GALNT2: variants seen among roughly 807,000 people sequenced by gnomAD.
GALNT2 encodes UDP-GalNAc:polypeptide N-acetylgalactosaminyltransferase 2.
GALNT2 carries 31 observed loss-of-function variants against 81.4 expected under a neutral mutation model. The ratio of observed to expected loss-of-function variants is 0.38; its 90% CI spans 0.29 to 0.51. The LOEUF is 0.51. Ranked by LOEUF, GALNT2 falls within the 20% of genes least tolerant of loss-of-function variation. The pLI is 0.87. For missense variants in GALNT2, 629 were observed against 765.7 expected (o/e 0.82, Z 2.11); for synonymous variants, 303 against 287.4 (o/e 1.05, Z -0.55).
chr1:230,243,234 G>T lies in GALNT2; in HGVS notation c.608-72G>T. ...GCAGAGCTGCGGGCAGGGAGGCGTC[G>T]CCGGTTGGCATGGGGTTGTGCTGGC... On this transcript the variant is annotated intron_variant, in intron 6 of 15. Coordinates refer to ENST00000366672, the MANE Select transcript of GALNT2 (RefSeq NM_004481.5). The surrounding 1 kb of genome is among the most constrained non-coding windows in gnomAD (Gnocchi z 4.2). 6.7e-7 allele frequency: 1 copy of T among 1,494,458 alleles called. No homozygotes were observed. The highest frequency in any genetic ancestry group is 8.9e-7 in the Non-Finnish European group (1 of 1,125,634). 92.6% of individuals were successfully genotyped at this position (1,494,458 alleles called of 1,614,324 possible). A position where few individuals can be genotyped will look rare whatever the true frequency, so the allele number is the denominator to read the frequency against.
chr1:230,246,662 G>T (rs1037184411), intron 8 of GALNT2, among the ~76,000 whole-genome samples: 3 of 152,130 alleles, frequency 2.0e-5, no homozygotes, highest in African/African-American at 7.2e-5. Flanking sequence ...TGCTGATACA[G>T]CCCCTTGCAT....
In GALNT2 at chr1:230,269,165, G is replaced by A. The variant is rs541544390; in HGVS notation, c.1440+3798G>A. Reference sequence around the variant, plus strand: ...TTTTTTCTTTTTTTTTTTTTGAGACGGAGTTTGGCTGTGTTGCCCAGGCTT... The same window carrying A: ...TTTTTTCTTTTTTTTTTTTTGAGACAGAGTTTGGCTGTGTTGCCCAGGCTT... On this transcript the variant is annotated intron_variant, in intron 14 of 15. Transcript: ENST00000366672. Among the ~76,000 whole-genome samples, 204 of 145,294 alleles carry A rather than the reference G, an allele frequency of 1.4e-3. 4 individuals carry two copies. Among genetic ancestry groups the A allele is most frequent in the African/African-American group, 4.9e-3 (192 of 38,796 alleles).
At chr1:230,078,140 T>C (rs1659619480) in intron 1 of GALNT2, among the ~76,000 whole-genome samples, 1 of 152,236 alleles carries the variant, frequency 6.6e-6, no homozygotes, top group Admixed American at 6.5e-5. Flanking sequence ...TTCTCGTGTG[T>C]CACATTGCAG....
rs1362611270 is a variant in GALNT2 at position 230,159,162 on chromosome 1, C to T, written c.127-19056C>T. Among the ~76,000 whole-genome samples the T allele has an allele frequency of 2.0e-5, 3 of 152,186 alleles. No homozygotes were observed. The East Asian group carries it at 5.8e-4, about 29-fold the overall frequency. ...GTTTACCCAGCCGTGGGAAAGGACGCTGTACCCCTGCCCTATTGGCTGCAC... is the reference window on the plus strand; with the variant it reads ...GTTTACCCAGCCGTGGGAAAGGACGTTGTACCCCTGCCCTATTGGCTGCAC... On this transcript the variant is annotated intron_variant, in intron 1 of 15. Transcript: ENST00000366672.
chr1:230,088,420 G>A (rs1488597583), intron 1 of GALNT2, among the ~76,000 whole-genome samples: 3 of 147,888 alleles, frequency 2.0e-5, no homozygotes, highest in Non-Finnish European at 4.5e-5. Context: ...GTGTGACAGG[G>A]TTTTTTTTTT....
chr1:230,187,127 A>G (rs1663360293), intron 2 of GALNT2, among the ~76,000 whole-genome samples: 1 of 152,284 alleles, frequency 6.6e-6, no homozygotes, highest in South Asian at 2.1e-4. Context: ...ACCAAGCTGG[A>G]TGCTTTTATG....
chr1:230,177,675 G>A (rs1398076993), intron 1 of GALNT2, among the ~76,000 whole-genome samples: 1 of 152,122 alleles, frequency 6.6e-6, no homozygotes, highest in African/African-American at 2.4e-5. Flanking sequence ...TCCTATTAGA[G>A]TAAGTCCTAG....
intron 1 of GALNT2, among the ~76,000 whole-genome samples, chr1:230,071,509 C>T (rs906400213): frequency 6.6e-6 from 1 of 152,288 alleles, no homozygotes; most frequent in South Asian, 2.1e-4. Context: ...CTCCACTGCT[C>T]TCCCTCTGTA....
intron 3 of GALNT2, among the ~76,000 whole-genome samples, chr1:230,220,610 G>A (rs914477772): frequency 3.3e-5 from 5 of 152,018 alleles, no homozygotes; most frequent in Non-Finnish European, 1.5e-5. Context: ...GATCTCTCTC[G>A]GTAGCTGCTT....
At chr1:230,186,159 AAGAGTGTTTGCTGGTG>A (rs1044900785) in intron 2 of GALNT2, among the ~76,000 whole-genome samples, 14 of 152,286 alleles carry the variant, frequency 9.2e-5, no homozygotes, top group Admixed American at 2.0e-4. Flanking sequence ...CTTTGCTGGC[AAGAGTGTTTGCTGGTG>A]AGAGTGTTTG....
chr1:230,176,724 G>A (rs1197183783), intron 1 of GALNT2, among the ~76,000 whole-genome samples: 2 of 152,156 alleles, frequency 1.3e-5, no homozygotes, highest in Admixed American at 6.5e-5. Context: ...TTTCTTTATA[G>A]CCAAGTAATC....
chr1:230,250,405 A>C, intron 9 of GALNT2, 52 bp from the exon 10 acceptor site: 2 of 1,395,260 alleles, frequency 1.4e-6, no homozygotes, highest in East Asian at 4.6e-5. Context: ...CTGGCAATCT[A>C]ACCTTGACTT....
At chr1:230,066,927 G>A (rs1238397580), upstream of GALNT2, among the ~76,000 whole-genome samples, 1 of 150,902 alleles carries the variant, frequency 6.6e-6, no homozygotes, top group Non-Finnish European at 1.5e-5. Context: ...CGGCGCCCAG[G>A]CCCTCACGGC....
chr1:230,170,627 G>A (rs1029593989), intron 1 of GALNT2, among the ~76,000 whole-genome samples: 5 of 152,164 alleles, frequency 3.3e-5, no homozygotes, highest in African/African-American at 7.2e-5. Context: ...AAGAAAAAAG[G>A]TTTATTTGGC....
chr1:230,140,542 A>AC (rs1231993073), intron 1 of GALNT2, among the ~76,000 whole-genome samples: 2 of 152,076 alleles, frequency 1.3e-5, no homozygotes, highest in African/African-American at 4.8e-5. Flanking sequence ...CAGCCTCGGA[A>AC]CCGGGAGTAC....
chr1:230,069,042 C>T (rs968224378), intron 1 of GALNT2, among the ~76,000 whole-genome samples: 2 of 152,190 alleles, frequency 1.3e-5, no homozygotes, highest in African/African-American at 4.8e-5. Flanking sequence ...AAGCTTTCTG[C>T]CTTTCATGCA....
chr1:230,269,466 G>T (rs1192484149), intron 14 of GALNT2, among the ~76,000 whole-genome samples: 8 of 152,080 alleles, frequency 5.3e-5, no homozygotes, highest in East Asian at 1.9e-4. Flanking sequence ...GGTTACAGGC[G>T]TGAGCCACCA....
intron 2 of GALNT2, among the ~76,000 whole-genome samples, chr1:230,195,488 G>T (rs570628775): frequency 6.6e-6 from 1 of 152,300 alleles, no homozygotes; most frequent in African/African-American, 2.4e-5. Context: ...AGGGACCCCA[G>T]GGAGGGCTCC....
rs559075711 is a variant in GALNT2 at position 230,172,969 on chromosome 1, C to T, written c.127-5249C>T. Among the ~76,000 whole-genome samples, 6 of 152,252 alleles carry T rather than the reference C, an allele frequency of 3.9e-5. No individual in the cohort carries two copies. In the East Asian group the frequency reaches 9.6e-4, roughly 24 times the overall value. ...TAGACGTCGCTCAGCCATGGATTCCCGTCTGATTACACTCATGGCCCTGGT... is the reference window on the plus strand; with the variant it reads ...TAGACGTCGCTCAGCCATGGATTCCTGTCTGATTACACTCATGGCCCTGGT... On this transcript the variant is annotated intron_variant, in intron 1 of 15. Coordinates refer to ENST00000366672, the MANE Select transcript of GALNT2 (RefSeq NM_004481.5).
Sources: allele counts gnomAD v4.1 joint callset (sites outside exome capture counted in the v4.1 genomes callset), GRCh38; gene constraint gnomAD v4.1.1; non-coding constraint Gnocchi (gnomAD v3.1); transcripts MANE v1.5; gene names NCBI Gene and HGNC (gene_info 2026-07-23, HGNC 2026-07-21).